The following LRRC69 variants were observed in gnomAD, a reference collection of about 807,000 sequenced individuals.
The protein encoded by LRRC69 is leucine rich repeat containing 69.
A neutral mutation model predicts 37.8 loss-of-function variants in LRRC69; 42 were observed. The observed-to-expected ratio is 1.11, with a 90% CI of 0.87 to 1.44. The LOEUF (loss-of-function observed/expected upper bound fraction) is 1.44, where lower values mean the gene tolerates loss of function less well. Ranked by LOEUF, LRRC69 falls within the 40% of genes most tolerant of loss-of-function variation. LRRC69 has a pLI of 0.00. For synonymous variants in LRRC69, 141 were observed against 143.1 expected (o/e 0.99, Z 0.11); for missense variants, 357 against 401.9 (o/e 0.89, Z 0.96).
chr8:91,153,503 TAACA>T (rs147608597), intron 5 of LRRC69, among the ~76,000 whole-genome samples: 7,951 of 151,900 alleles, frequency 0.052, 286 homozygotes, highest in Middle Eastern at 0.16. Context: ...ACTGAAATAA[TAACA>T]AACAGTCTCT....
intron 1 of LRRC69, among the ~76,000 whole-genome samples, chr8:91,120,897 A>C (rs1462036354): frequency 6.6e-6 from 1 of 151,960 alleles, no homozygotes; most frequent in African/African-American, 2.4e-5. Flanking sequence ...AGAACCCTAG[A>C]ATTACATTTA....
At chr8:91,177,850 C>CTTTTT (rs10645044) in intron 5 of LRRC69, among the ~76,000 whole-genome samples, 2 of 130,828 alleles carry the variant, frequency 1.5e-5, no homozygotes, top group African/African-American at 5.9e-5. Flanking sequence ...TTCTGCTTTT[C>CTTTTT]TTTTTTTTTT....
At chr8:91,105,695 T>C (rs1183099733) in intron 1 of LRRC69, among the ~76,000 whole-genome samples, 1 of 144,634 alleles carries the variant, frequency 6.9e-6, no homozygotes, top group Non-Finnish European at 1.5e-5. Context: ...CAGATGAAGG[T>C]TTCAAAGAAA....
chr8:91,148,087 T>C (rs1808655798), intron 5 of LRRC69, among the ~76,000 whole-genome samples: 3 of 150,840 alleles, frequency 2.0e-5, no homozygotes, highest in African/African-American at 7.3e-5. Context: ...TGTGTACCAA[T>C]TTTTTTTATT....
intron 1 of LRRC69, among the ~76,000 whole-genome samples, chr8:91,111,841 A>G (rs1813414592): frequency 6.6e-6 from 1 of 151,930 alleles, no homozygotes; most frequent in Admixed American, 6.6e-5. Context: ...ACACAAGTTT[A>G]CCTATGTAAC....
At chr8:91,189,689 T>C in intron 6 of LRRC69, 66 bp downstream of exon 6, 1 of 1,135,404 alleles carries the variant, frequency 8.8e-7, no homozygotes, top group African/African-American at 1.6e-5. Context: ...TAAAGCGTTT[T>C]CTTTTAAAAC....
At chr8:91,151,799 A>G (rs569896216) in intron 5 of LRRC69, among the ~76,000 whole-genome samples, 3 of 151,648 alleles carry the variant, frequency 2.0e-5, no homozygotes, top group Admixed American at 6.6e-5. Context: ...CAGCCTTGCC[A>G]GGATCTGTTG....
chr8:91,110,978 A>G (rs923128944), intron 1 of LRRC69, among the ~76,000 whole-genome samples: 3 of 152,114 alleles, frequency 2.0e-5, no homozygotes, highest in African/African-American at 7.2e-5. Flanking sequence ...CATAATGACT[A>G]TTCCATAGTT....
At chr8:91,125,760 A>C (rs1418672077) in intron 2 of LRRC69, among the ~76,000 whole-genome samples, 1 of 151,732 alleles carries the variant, frequency 6.6e-6, no homozygotes, top group African/African-American at 2.4e-5. Context: ...ATTTGAGGTA[A>C]GTTAGGTATA....
At chr8:91,177,251 C>A (rs1203222584) in intron 5 of LRRC69, among the ~76,000 whole-genome samples, 1 of 151,982 alleles carries the variant, frequency 6.6e-6, no homozygotes, top group Non-Finnish European at 1.5e-5. Context: ...AGTATTAATT[C>A]TAAAAAGGGT....
chr8:91,141,680 G>A (rs1000431771), intron 5 of LRRC69, among the ~76,000 whole-genome samples: 1 of 152,056 alleles, frequency 6.6e-6, no homozygotes, highest in Non-Finnish European at 1.5e-5. Context: ...CATTGAAGTG[G>A]AACCTGGAGA....
intron 5 of LRRC69, among the ~76,000 whole-genome samples, chr8:91,161,243 A>G (rs1434083166): frequency 6.6e-6 from 1 of 151,160 alleles, no homozygotes; most frequent in Non-Finnish European, 1.5e-5. Context: ...AAGGTTATTC[A>G]TTTGTAGTTT....
chr8:91,210,142 T>G (rs1337569224), intron 7 of LRRC69, among the ~76,000 whole-genome samples: 1 of 152,180 alleles, frequency 6.6e-6, no homozygotes, highest in Non-Finnish European at 1.5e-5. Context: ...GTAATAGAGT[T>G]TCTGGCCCTC....
At chr8:91,192,789 T>C (rs1563619964) in intron 6 of LRRC69, among the ~76,000 whole-genome samples, 1 of 150,716 alleles carries the variant, frequency 6.6e-6, no homozygotes, top group Non-Finnish European at 1.5e-5. Context: ...TCTCCCATTT[T>C]CTAGGTTGCC....
At chr8:91,125,343 CAG>C (rs1318621324) in intron 2 of LRRC69, among the ~76,000 whole-genome samples, 2 of 151,738 alleles carry the variant, frequency 1.3e-5, no homozygotes, top group African/African-American at 2.4e-5. Flanking sequence ...CATCTTCACA[CAG>C]AGTTTATTAA....
At chr8:91,113,087 A>G (rs1042786709) in intron 1 of LRRC69, among the ~76,000 whole-genome samples, 1 of 152,074 alleles carries the variant, frequency 6.6e-6, no homozygotes, top group Middle Eastern at 3.2e-3. Context: ...GTAAATGGAA[A>G]GACATCCCTT....
chr8:91,159,596 T>G (rs1808900532), intron 5 of LRRC69, among the ~76,000 whole-genome samples: 1 of 151,164 alleles, frequency 6.6e-6, no homozygotes, highest in South Asian at 2.1e-4. Context: ...GGAACAAGGC[T>G]TTGGCTGAAA....
intron 5 of LRRC69, among the ~76,000 whole-genome samples, chr8:91,173,986 AAG>A (rs1218817828): frequency 2.0e-5 from 1 of 50,536 alleles, no homozygotes; most frequent in Non-Finnish European, 4.5e-5. Context: ...TTTTTATTGA[AAG>A]AGAGCAAGAA....
At chr8:91,189,397 T>C (rs1586274627) in intron 5 of LRRC69, 125 bp from the exon 6 acceptor site, 2 of 644,948 alleles carry the variant, frequency 3.1e-6, no homozygotes, top group Non-Finnish European at 5.3e-6. Flanking sequence ...TAAATCCACA[T>C]TAGTATTTAC....
Sources: allele counts gnomAD v4.1 joint callset (sites outside exome capture counted in the v4.1 genomes callset), GRCh38; gene constraint gnomAD v4.1.1; transcripts MANE v1.5; gene names NCBI Gene and HGNC (gene_info 2026-07-23, HGNC 2026-07-21).